FTO: variants seen among roughly 807,000 people sequenced by gnomAD.
FTO encodes the protein FTO alpha-ketoglutarate dependent dioxygenase.
In FTO, 47 loss-of-function variants were observed where a neutral mutation model predicts 63.9. That is an observed-to-expected ratio of 0.74 (90% CI 0.58 to 0.94). The LOEUF (loss-of-function observed/expected upper bound fraction) is 0.94, where lower values mean the gene tolerates loss of function less well. FTO is among the 40% of genes least tolerant of loss of function. FTO has a pLI of 0.00. For synonymous variants in FTO, 207 were observed against 224.4 expected (o/e 0.92, Z 0.69); for missense variants, 562 against 618.1 (o/e 0.91, Z 0.96).
chr16:53,757,962 A>G (rs952822084), intron 1 of FTO, among the ~76,000 whole-genome samples: 1 of 152,200 alleles, frequency 6.6e-6, no homozygotes, highest in Non-Finnish European at 1.5e-5. Context: ...GCTTTAGCTG[A>G]CTGTTCCGTT....
chr16:53,947,780 T>C (rs1050202354), intron 8 of FTO, among the ~76,000 whole-genome samples: 1 of 152,246 alleles, frequency 6.6e-6, no homozygotes. Flanking sequence ...CACAAGTCTT[T>C]CATTTAGCTT....
chr16:53,849,358 A>G (rs1249380165), intron 4 of FTO, among the ~76,000 whole-genome samples: 1 of 152,198 alleles, frequency 6.6e-6, no homozygotes, highest in Non-Finnish European at 1.5e-5. Context: ...ACCATGGCAT[A>G]TTGGAGAACC....
intron 8 of FTO, among the ~76,000 whole-genome samples, chr16:54,020,251 T>C (rs2084557111): frequency 6.6e-6 from 1 of 152,218 alleles, no homozygotes; most frequent in African/African-American, 2.4e-5. Context: ...TATTAATGCA[T>C]GATTTATAAA....
In FTO at chr16:53,873,776, T is replaced by C. The variant is rs761312486; in HGVS notation, c.896-10T>C. ...TATGGTTTTATACATTTCTGGTGTT[T>C]TTCCTGTAGATGATCTCAATGCCAC... On this transcript the variant is annotated splice_polypyrimidine_tract_variant and intron_variant, in intron 4 of 8. Coordinates refer to ENST00000471389, the MANE Select transcript of FTO (RefSeq NM_001080432.3). 6.2e-6 allele frequency: 10 copies of C among 1,611,108 alleles called. No homozygotes were observed. Among genetic ancestry groups the C allele is most frequent in the Non-Finnish European group, 8.5e-6 (10 of 1,177,684 alleles).
intron 8 of FTO, among the ~76,000 whole-genome samples, chr16:54,076,313 G>A (rs796831650): frequency 6.6e-6 from 1 of 152,182 alleles, no homozygotes; most frequent in South Asian, 2.1e-4. Flanking sequence ...CAGTAGGACT[G>A]AGGAGTCAAT....
intron 1 of FTO, among the ~76,000 whole-genome samples, chr16:53,761,206 C>T (rs945860388): frequency 6.6e-6 from 1 of 152,086 alleles, no homozygotes; most frequent in African/African-American, 2.4e-5. Flanking sequence ...AAGGGATCCT[C>T]CTGCCTCAGC....
rs151087718 is a variant in FTO, at chr16:53,816,051, C to G, written c.123+5834C>G. Among the ~76,000 whole-genome samples, 250 of 152,160 alleles carry G rather than the reference C, an allele frequency of 1.6e-3. 1 individual carries two copies. The highest frequency in any genetic ancestry group is 5.3e-3 in the African/African-American group (219 of 41,518). On this transcript the variant is annotated intron_variant, in intron 2 of 8. Transcript: ENST00000471389. ...CTCTCGTCATAGGGAGTTCTTGGTT[C>G]CACCCTGACTCTGCTGTGCCCTCTT...
chr16:53,931,879 C>T (rs2082292870), intron 7 of FTO, among the ~76,000 whole-genome samples: 1 of 150,222 alleles, frequency 6.7e-6, no homozygotes, highest in Non-Finnish European at 1.5e-5. Context: ...TAAACACACA[C>T]ACACACACAC....
chr16:54,071,619 G>C (rs1212491957), intron 8 of FTO: 1 of 152,138 alleles, frequency 6.6e-6, no homozygotes, highest in Non-Finnish European at 1.5e-5. Context: ...ATGGCTGTAG[G>C]TTTAGCCAGT....
At chr16:53,715,353 G>A (rs1226452940) in intron 1 of FTO, among the ~76,000 whole-genome samples, 4 of 152,080 alleles carry the variant, frequency 2.6e-5, no homozygotes, top group East Asian at 1.9e-4. Context: ...TTCAGTCTGC[G>A]GTTTGTGCTG....
chr16:53,921,955 T>A (rs1394693267), intron 7 of FTO, among the ~76,000 whole-genome samples: 1 of 152,202 alleles, frequency 6.6e-6, no homozygotes, highest in African/African-American at 2.4e-5. Context: ...ATTTAAAGAA[T>A]TAGCATGCTA....
intron 2 of FTO, among the ~76,000 whole-genome samples, chr16:53,816,486 C>T (rs1001742532): frequency 3.3e-5 from 3 of 91,654 alleles, no homozygotes; most frequent in African/African-American, 1.3e-4. Context: ...TTTCCTGCCC[C>T]TGCCCACTCC....
intron 1 of FTO, among the ~76,000 whole-genome samples, chr16:53,809,011 C>G (rs1458049961): frequency 6.6e-6 from 1 of 152,164 alleles, no homozygotes; most frequent in Non-Finnish European, 1.5e-5. Context: ...CACGAAAACT[C>G]CATATATTCT....
At chr16:54,104,813 C>A (rs1292932355) in intron 8 of FTO, among the ~76,000 whole-genome samples, 12 of 152,156 alleles carry the variant, frequency 7.9e-5, no homozygotes, top group African/African-American at 2.7e-4. Context: ...ATGAAGCTGT[C>A]CATTTAAACT....
chr16:53,777,653 ACACTCATCAGTAT>A (rs1362819471), intron 1 of FTO, among the ~76,000 whole-genome samples: 2 of 152,190 alleles, frequency 1.3e-5, no homozygotes, highest in African/African-American at 4.8e-5. Context: ...AAAAAAGGTC[ACACTCATCAGTAT>A]CACCACTGAT....
chr16:53,843,588 A>G (rs2079534148), intron 3 of FTO, among the ~76,000 whole-genome samples: 1 of 152,178 alleles, frequency 6.6e-6, no homozygotes, highest in Non-Finnish European at 1.5e-5. Context: ...ATATATTTAG[A>G]AAAACATTCC....
At chr16:53,920,357 G>A (rs2081979971) in intron 7 of FTO, among the ~76,000 whole-genome samples, 1 of 152,152 alleles carries the variant, frequency 6.6e-6, no homozygotes, top group African/African-American at 2.4e-5. Flanking sequence ...CTGTGCTAAA[G>A]TCCTCAAGTA....
chr16:53,725,441 G>A (rs2076131270), intron 1 of FTO, among the ~76,000 whole-genome samples: 1 of 152,176 alleles, frequency 6.6e-6, no homozygotes, highest in Non-Finnish European at 1.5e-5. Flanking sequence ...ATGTGAGTGT[G>A]TACTTATGGC....
chr16:54,038,431 C>T (rs1180048226), intron 8 of FTO, among the ~76,000 whole-genome samples: 1 of 152,170 alleles, frequency 6.6e-6, no homozygotes, highest in African/African-American at 2.4e-5. Context: ...AAGTGCCTCC[C>T]CCACCTTCCC....
Sources: allele counts gnomAD v4.1 joint callset (sites outside exome capture counted in the v4.1 genomes callset), GRCh38; gene constraint gnomAD v4.1.1; transcripts MANE v1.5; gene names NCBI Gene and HGNC (gene_info 2026-07-23, HGNC 2026-07-21).